The following PTPRA variants were observed in gnomAD, a reference collection of about 807,000 sequenced individuals.
PTPRA encodes receptor-type tyrosine-protein phosphatase alpha.
In PTPRA, 25 loss-of-function variants were observed where a neutral mutation model predicts 104.8. The observed-to-expected ratio is 0.24, with a 90% CI of 0.17 to 0.33. The LOEUF is 0.33. Ranked by LOEUF, PTPRA falls within the 10% of genes least tolerant of loss-of-function variation. PTPRA has a pLI of 1.00. For missense variants in PTPRA, 765 were observed against 1,015.3 expected, an observed-to-expected ratio of 0.75 and a Z score of 3.35; for synonymous variants, 323 against 368.9, an observed-to-expected ratio of 0.88 and a Z score of 1.43.
chr20:3,014,310 A>G (rs2064327778), intron 11 of PTPRA, among the ~76,000 whole-genome samples: 2 of 151,946 alleles, frequency 1.3e-5, no homozygotes, highest in African/African-American at 4.8e-5. Context: ...TTGGGCAGCA[A>G]CCCTGCCCTG....
Position 3,037,300 on chromosome 20 carries a change from C to A in PTPRA, c.2334+11C>A. ...ATGGTCCAGACACTGGTATGCTGCC[C>A]ACATATTTGTCCCTGCCACCACACC... On this transcript the variant is annotated intron_variant, in intron 23 of 23. Transcript: ENST00000399903. This position sits in a 1 kb window ranked among gnomAD's most constrained non-coding sequence, Gnocchi z 4.3. 6.2e-7 allele frequency: 1 copy of A among 1,613,384 alleles called. No individual in the cohort carries two copies. Among genetic ancestry groups the A allele is most frequent in the South Asian group, 1.1e-5 (1 of 90,982 alleles).
intron 1 of PTPRA, among the ~76,000 whole-genome samples, chr20:2,899,543 G>T (rs1013878233): frequency 9.2e-5 from 14 of 152,114 alleles, no homozygotes; most frequent in Non-Finnish European, 4.4e-5. Context: ...TGGTTGGACG[G>T]TTTGTAATAT....
intron 13 of PTPRA, among the ~76,000 whole-genome samples, chr20:3,020,355 C>T (rs2064802368): frequency 6.6e-6 from 1 of 152,070 alleles, no homozygotes; most frequent in Admixed American, 6.6e-5. Flanking sequence ...ACCTCGGCCT[C>T]CCAAAGTGCT....
At chr20:2,935,851 C>T (rs2060681892) in intron 2 of PTPRA, among the ~76,000 whole-genome samples, 1 of 152,122 alleles carries the variant, frequency 6.6e-6, no homozygotes, top group Non-Finnish European at 1.5e-5. Flanking sequence ...CCCATCTCTA[C>T]TAAAAATACA....
At chr20:2,894,465 C>A (rs2058916180) in intron 1 of PTPRA, among the ~76,000 whole-genome samples, 1 of 152,100 alleles carries the variant, frequency 6.6e-6, no homozygotes, top group South Asian at 2.1e-4. Flanking sequence ...TAAATGAGTT[C>A]AACTTCAGTT....
intron 6 of PTPRA, among the ~76,000 whole-genome samples, chr20:2,981,004 C>T (rs1374342837): frequency 6.6e-6 from 1 of 152,088 alleles, no homozygotes; most frequent in Non-Finnish European, 1.5e-5. Context: ...TTCCTTTCCT[C>T]TCTTGTGGTT....
chr20:3,024,411 T>G, intron 16 of PTPRA, 61 bp from the exon 17 acceptor site: 1 of 1,512,078 alleles, frequency 6.6e-7, no homozygotes, highest in South Asian at 1.2e-5. Flanking sequence ...TGGGAACAGG[T>G]GATCTGGCAT....
chr20:3,005,494 T>C (rs898656600), intron 10 of PTPRA, among the ~76,000 whole-genome samples: 2 of 152,108 alleles, frequency 1.3e-5, no homozygotes. Context: ...GAGGTTGCAG[T>C]GACCCAAGAT....
intron 1 of PTPRA, among the ~76,000 whole-genome samples, chr20:2,907,176 C>T (rs915008231): frequency 6.6e-6 from 1 of 152,138 alleles, no homozygotes; most frequent in Admixed American, 6.5e-5. Context: ...GTTGTTCTGT[C>T]CTGTAATTTT....
chr20:2,964,752 C>T (rs2147933805), intron 4 of PTPRA, 109 bp from the exon 5 acceptor site: 1 of 984,732 alleles, frequency 1.0e-6, no homozygotes, highest in Admixed American at 2.5e-5. Flanking sequence ...TTGGTCTTTG[C>T]TTGGTCTCCA....
At chr20:2,996,071 A>G (rs1196489815) in intron 9 of PTPRA, among the ~76,000 whole-genome samples, 6 of 152,340 alleles carry the variant, frequency 3.9e-5, no homozygotes, top group Middle Eastern at 3.4e-3. Flanking sequence ...CAGTCTCTCA[A>G]CTACAACCCA....
chr20:2,978,390 C>T (rs1017795950), intron 6 of PTPRA, among the ~76,000 whole-genome samples: 1 of 152,114 alleles, frequency 6.6e-6, no homozygotes, highest in African/African-American at 2.4e-5. Flanking sequence ...AACATTACAA[C>T]CTTGCCTTTG....
chr20:2,901,088 A>C lies in PTPRA; in HGVS notation c.-128-22119A>C, dbSNP rs11908164. 4.9e-3 allele frequency among the ~76,000 whole-genome samples: 742 copies of C among 151,862 alleles called. 4 individuals carry two copies. The highest frequency in any genetic ancestry group is 0.017 in the African/African-American group (712 of 41,430). ...CTGGTTCAAGTGATTCTCCTGCCTC[A>C]GCCTCCAGAGTAGCTGGGATTACAG... On this transcript the variant is annotated intron_variant, in intron 1 of 23. Coordinates refer to ENST00000399903, the MANE Select transcript of PTPRA (RefSeq NM_001385305.1).
At chr20:2,880,802 A>G (rs1205429162) in intron 1 of PTPRA, among the ~76,000 whole-genome samples, 1 of 152,170 alleles carries the variant, frequency 6.6e-6, no homozygotes, top group African/African-American at 2.4e-5. Flanking sequence ...GCAGGAGGCC[A>G]GGAGCTCAAG....
chr20:2,907,447 A>G (rs1455765237), intron 1 of PTPRA, among the ~76,000 whole-genome samples: 1 of 152,250 alleles, frequency 6.6e-6, no homozygotes, highest in East Asian at 1.9e-4. Context: ...CACCATTAAC[A>G]TGGTTGGTTT....
chr20:2,909,999 TCTATC>T (rs1568649302), intron 1 of PTPRA, among the ~76,000 whole-genome samples: 2 of 75,158 alleles, frequency 2.7e-5, no homozygotes, highest in East Asian at 6.0e-4. Flanking sequence ...ATATATATAA[TCTATC>T]ATATATCATA....
chr20:2,989,894 A>G (rs1005996605), intron 9 of PTPRA, among the ~76,000 whole-genome samples: 4 of 151,972 alleles, frequency 2.6e-5, no homozygotes, highest in South Asian at 2.1e-4. Flanking sequence ...GTGGGCACCT[A>G]TAGTTGCAGC....
At chr20:2,988,776 G>A (rs1479240676) in intron 9 of PTPRA, among the ~76,000 whole-genome samples, 1 of 152,222 alleles carries the variant, frequency 6.6e-6, no homozygotes, top group East Asian at 1.9e-4. Flanking sequence ...CCAGTGATAT[G>A]ATGAGGAGCA....
chr20:3,015,874 T>C lies in PTPRA; in HGVS notation c.932T>C (p.Ile311Thr). The change falls in exon 12 of 24, where the codon ATT becomes ACT. Residue 311 changes from isoleucine to threonine, a missense_variant. Physicochemically the swap from Ile to Thr is moderately conservative, Grantham distance 89. Coordinates refer to ENST00000399903, the MANE Select transcript of PTPRA (RefSeq NM_001385305.1). ...GGCTACCAAGAAAAGAACAAATTCA[T>C]TGCTGCACAAGGTAAAGTAATGACA... The part of the protein sequence containing the change: ...INGYQEKNKF[I>T]AAQGPKEETV... The C allele has an allele frequency of 6.4e-7, 1 of 1,567,200 alleles. No homozygotes were observed. Among genetic ancestry groups the C allele is most frequent in the Non-Finnish European group, 8.8e-7 (1 of 1,137,756 alleles).
Sources: allele counts gnomAD v4.1 joint callset (sites outside exome capture counted in the v4.1 genomes callset), GRCh38; gene constraint gnomAD v4.1.1; non-coding constraint Gnocchi (gnomAD v3.1); transcripts MANE v1.5; gene names NCBI Gene and HGNC (gene_info 2026-07-23, HGNC 2026-07-21).